Variants in NEGR1 observed in about 807,000 individuals in gnomAD.
The protein encoded by NEGR1 is IgLON family member 4.
In NEGR1, 10 loss-of-function variants were observed where a neutral mutation model predicts 40.9. The observed-to-expected ratio is 0.24, with a 90% confidence interval of 0.15 to 0.42. The LOEUF is 0.42. NEGR1 is among the 10% of genes least tolerant of loss of function. The pLI is 1.00. For missense variants in NEGR1, 352 were observed against 438.9 expected, an observed-to-expected ratio of 0.80 and a Z score of 1.77; for synonymous variants, 185 against 166.8, an observed-to-expected ratio of 1.11 and a Z score of -0.84.
intron 6 of NEGR1, among the ~76,000 whole-genome samples, chr1:71,560,445 ATATGTATATATATATT>A (rs1557567040): frequency 7.3e-6 from 1 of 136,264 alleles, no homozygotes; most frequent in African/African-American, 2.7e-5. Context: ...ATATATATAT[ATATGTATATATATATT>A]TCCAATTAAC....
At chr1:71,830,460 A>G in intron 2 of NEGR1, among the ~76,000 whole-genome samples, 1 of 151,158 alleles carries the variant, frequency 6.6e-6, no homozygotes, top group African/African-American at 2.4e-5. Context: ...AATTTTAATT[A>G]AAAAAAAATA....
chr1:72,150,766 T>C (rs1651096409), intron 1 of NEGR1, among the ~76,000 whole-genome samples: 1 of 152,144 alleles, frequency 6.6e-6, no homozygotes, highest in Non-Finnish European at 1.5e-5. Flanking sequence ...CAGTCTATAA[T>C]ATGAGATTCC....
At chr1:72,074,430 A>G (rs147111084) in intron 1 of NEGR1, among the ~76,000 whole-genome samples, 182 of 152,118 alleles carry the variant, frequency 1.2e-3, no homozygotes, top group Non-Finnish European at 2.1e-3. Context: ...TATATCACAT[A>G]TATCAGTTGG....
chr1:71,529,025 A>C (rs1017963702), intron 6 of NEGR1, among the ~76,000 whole-genome samples: 1 of 45,366 alleles, frequency 2.2e-5, no homozygotes, highest in African/African-American at 7.6e-5. Context: ...CTAAAGACAC[A>C]TAAATAAAGC....
chr1:71,418,272 G>A (rs945498858), intron 6 of NEGR1, among the ~76,000 whole-genome samples: 7 of 151,344 alleles, frequency 4.6e-5, no homozygotes, highest in Admixed American at 4.6e-4. Flanking sequence ...AAAGAAAAAT[G>A]GTAAACCACC....
At chr1:72,160,772 T>C (rs1293250925) in intron 1 of NEGR1, among the ~76,000 whole-genome samples, 1 of 152,144 alleles carries the variant, frequency 6.6e-6, no homozygotes, top group Non-Finnish European at 1.5e-5. Flanking sequence ...GGCATTCCTT[T>C]TGAGGCTAGA....
At chr1:71,857,600 C>T (rs1012593108) in intron 2 of NEGR1, among the ~76,000 whole-genome samples, 1 of 119,706 alleles carries the variant, frequency 8.4e-6, no homozygotes, top group Non-Finnish European at 1.6e-5. Flanking sequence ...GCACTCCAGC[C>T]TAGGTGACAA....
chr1:71,426,237 T>A (rs756469349), intron 6 of NEGR1, among the ~76,000 whole-genome samples: 136 of 152,180 alleles, frequency 8.9e-4, no homozygotes, highest in Non-Finnish European at 1.0e-3. Context: ...ATTTCTCCAT[T>A]TAAGCTGCTA....
At chr1:72,099,545 A>G (rs1426134068) in intron 1 of NEGR1, among the ~76,000 whole-genome samples, 1 of 151,968 alleles carries the variant, frequency 6.6e-6, no homozygotes, top group African/African-American at 2.4e-5. Flanking sequence ...ATACTCATAA[A>G]TTTTCTTCTT....
intron 3 of NEGR1, among the ~76,000 whole-genome samples, chr1:71,700,082 A>C (rs1017844198): frequency 6.6e-6 from 1 of 151,956 alleles, no homozygotes; most frequent in African/African-American, 2.4e-5. Context: ...AAAATTTGAC[A>C]TTTCGTTAGA....
chr1:71,421,421 C>A (rs1488839228), intron 6 of NEGR1: 2 of 151,952 alleles, frequency 1.3e-5, no homozygotes, highest in Non-Finnish European at 2.9e-5. Flanking sequence ...GGCTTGAAAA[C>A]TTGAAAAATG....
chr1:71,421,072 A>G (rs903034284), intron 6 of NEGR1, among the ~76,000 whole-genome samples: 1 of 152,018 alleles, frequency 6.6e-6, no homozygotes. Context: ...AATGTGTTCA[A>G]TTTGAACTTT....
intron 1 of NEGR1, among the ~76,000 whole-genome samples, chr1:71,935,786 T>C (rs1462886651): frequency 6.6e-6 from 1 of 152,004 alleles, no homozygotes; most frequent in Non-Finnish European, 1.5e-5. Flanking sequence ...GGTGGGTTTA[T>C]TTATTTATTT....
chr1:71,964,371 G>A (rs867739128), intron 1 of NEGR1, among the ~76,000 whole-genome samples: 1 of 152,096 alleles, frequency 6.6e-6, no homozygotes, highest in Non-Finnish European at 1.5e-5. Flanking sequence ...CTTTGGTGAT[G>A]TTCACTCTCC....
At chr1:71,750,072 C>A (rs1293762262) in intron 3 of NEGR1, among the ~76,000 whole-genome samples, 1 of 150,050 alleles carries the variant, frequency 6.7e-6, no homozygotes, top group Non-Finnish European at 1.5e-5. Flanking sequence ...CGGCTCACTG[C>A]AAGCTCCGCT....
intron 3 of NEGR1, among the ~76,000 whole-genome samples, chr1:71,768,615 C>T (rs948954859): frequency 1.8e-4 from 27 of 152,218 alleles, no homozygotes; most frequent in African/African-American, 6.0e-4. Context: ...TAACTTAATG[C>T]TGCAATAAGG....
chr1:71,677,928 G>A (rs1400580977), intron 4 of NEGR1, among the ~76,000 whole-genome samples: 1 of 152,134 alleles, frequency 6.6e-6, no homozygotes, highest in African/African-American at 2.4e-5. Flanking sequence ...AAGATTTACT[G>A]TTAACAGGAA....
intron 1 of NEGR1, among the ~76,000 whole-genome samples, chr1:72,157,365 G>T (rs567130594): frequency 6.6e-6 from 1 of 152,266 alleles, no homozygotes; most frequent in South Asian, 2.1e-4. Flanking sequence ...ATACATCAGT[G>T]ATAGACATTA....
At chr1:72,053,526 C>T (rs1386300191) in intron 1 of NEGR1, among the ~76,000 whole-genome samples, 1 of 150,690 alleles carries the variant, frequency 6.6e-6, no homozygotes, top group Non-Finnish European at 1.5e-5. Context: ...TTGAAAATGA[C>T]CTTTTATTTT....
Sources: gnomAD v4.1 joint callset for allele counts (sites outside exome capture counted in the v4.1 genomes callset) on GRCh38, gnomAD v4.1.1 for gene constraint, MANE v1.5 for transcripts, NCBI Gene and HGNC (gene_info 2026-07-23, HGNC 2026-07-21) for gene names.